PMS2: variants seen among roughly 807,000 people sequenced by gnomAD.
PMS2 encodes PMS1 homolog 2, mismatch repair system component, also known as mismatch repair endonuclease PMS2.
PMS2 carries 69 observed loss-of-function variants against 90.0 expected under a neutral mutation model. That is an observed-to-expected ratio of 0.77 (90% CI 0.63 to 0.94). PMS2 has a LOEUF of 0.94. Among genes scored for constraint, PMS2 ranks in the 40% least tolerant of loss-of-function variants. The probability of loss-of-function intolerance (pLI) is 0.00; values close to 1 mark genes in which losing one functional copy is unlikely to be tolerated. For missense variants in PMS2, 966 were observed against 1,040.2 expected, an observed-to-expected ratio of 0.93 and a Z score of 0.98; for synonymous variants, 332 against 375.1, an observed-to-expected ratio of 0.89 and a Z score of 1.33.
rs139194813 is a variant in PMS2 at position 5,992,025 on chromosome 7, C to T, written c.936G>A (p.Met312Ile). The T allele has an allele frequency of 6.8e-5, 109 of 1,601,844 alleles. No homozygotes were observed. In the African/African-American group the frequency reaches 1.3e-3, roughly 20 times the overall value. The part of the protein sequence containing the change: ...VCRLVNEVYH[M>I]YNRHQYPFVV... The stretch of plus-strand genomic sequence containing the variant: ...CAAATGGATACTGGTGTCGATTATA[C>T]ATGTGGTAGACCTCATTCACGAGTC... The change falls in exon 9 of 15, where the codon ATG becomes ATA. Residue 312 changes from methionine (M) to isoleucine (I), a missense_variant. Physicochemically the swap from Met to Ile is conservative, Grantham distance 10 (BLOSUM62 1). This residue lies in a region of PMS2 where 871 missense variants were observed against 802.4 expected (regional missense o/e 1.09). Transcript: ENST00000265849.
At chr7:6,001,036 A>G (rs1785031912) in intron 5 of PMS2, among the ~76,000 whole-genome samples, 1 of 152,118 alleles carries the variant, frequency 6.6e-6, no homozygotes, top group Non-Finnish European at 1.5e-5. Flanking sequence ...CTTTACAAGT[A>G]AAAAAAGTTT....
intron 10 of PMS2, among the ~76,000 whole-genome samples, chr7:5,989,120 G>A (rs146797531): frequency 2.0e-5 from 3 of 152,148 alleles, no homozygotes; most frequent in Non-Finnish European, 1.5e-5. Flanking sequence ...AAAGTACTGG[G>A]ATTACAAGCA....
rs372172981 is a variant in PMS2, at chr7:5,992,032, T to C, written c.929A>G (p.Tyr310Cys). 9 of 1,597,544 alleles carry C rather than the reference T, an allele frequency of 5.6e-6. No individual in the cohort carries two copies. Among genetic ancestry groups the C allele is most frequent in the Non-Finnish European group, 7.7e-6 (9 of 1,165,006 alleles). ...ATACTGGTGTCGATTATACATGTGG[T>C]AGACCTCATTCACGAGTCTGCAGAC... ...AKVCRLVNEV[Y>C]HMYNRHQYPF... The change falls in exon 9 of 15, where the codon TAC (tyrosine) becomes TGC (cysteine). Residue 310 changes from tyrosine to cysteine, a missense_variant. By Grantham distance (194) the Tyr-to-Cys change is radical. Around this residue, in one of 2 missense-constraint regions of PMS2, gnomAD observed 871 missense variants for 802.4 expected, o/e 1.09. Transcript: ENST00000265849.
Position 5,982,849 on chromosome 7 carries a change from C to T in PMS2, c.2149G>A (p.Val717Met), listed in dbSNP as rs201671325. Reference sequence around the variant, plus strand: ...GCTATGAGCCTCTGCCCCTGGAGCACGGTGTGCTGCTGCAGCATCTCGAAG... The same window carrying T: ...GCTATGAGCCTCTGCCCCTGGAGCATGGTGTGCTGCTGCAGCATCTCGAAG... Reference protein sequence around the residue: ...YNFEMLQQHTVLQGQRLIAPQ... With the variant: ...YNFEMLQQHTMLQGQRLIAPQ... Residue 717 changes from valine to methionine, a missense_variant, in exon 12 of 15, where the codon GTG becomes ATG. This residue lies in a region of PMS2 where 95 missense variants were observed against 237.8 expected (regional missense o/e 0.40). Coordinates refer to ENST00000265849, the MANE Select transcript of PMS2 (RefSeq NM_000535.7). 1,078 of 1,608,702 alleles carry T rather than the reference C, an allele frequency of 6.7e-4. 2 individuals are homozygous for T. Among genetic ancestry groups the T allele is most frequent in the Admixed American group, 1.1e-3 (66 of 59,680 alleles).
At position 6,006,016 on chromosome 7, in the gene PMS2, C is replaced by T. The variant is rs2128846889; in HGVS notation, c.39G>A (p.Lys13=). The T allele has an allele frequency of 6.2e-7, 1 of 1,610,692 alleles. No homozygotes were observed. The highest frequency in any genetic ancestry group is 8.5e-7 in the Non-Finnish European group (1 of 1,179,766). ...ACTTCCGATCAATAGGTTTGATGGC[C>T]TTAGCAGGTTCTGTACTAGAGAAAT... is the stretch of plus-strand genomic sequence containing the variant. ...RAESSSTEPA[K]AIKPIDRKSV... The change falls in exon 2 of 15, where the codon AAG becomes AAA. Residue 13 remains lysine (K), a synonymous_variant. Coordinates refer to ENST00000265849, the MANE Select transcript of PMS2 (RefSeq NM_000535.7).
At chr7:5,988,599 A>G (rs1395280722) in intron 10 of PMS2, among the ~76,000 whole-genome samples, 1 of 152,158 alleles carries the variant, frequency 6.6e-6, no homozygotes, top group East Asian at 1.9e-4. Flanking sequence ...TGCTCGTCAA[A>G]AAGACGTGGA....
chr7:6,002,174 T>C (rs1583400605), intron 5 of PMS2: 1 of 366,554 alleles, frequency 2.7e-6, no homozygotes, highest in East Asian at 6.6e-5. Flanking sequence ...GAACTACAGG[T>C]ACATGTCACC....
chr7:5,998,480 G>A (rs797007845), intron 6 of PMS2, among the ~76,000 whole-genome samples: 16 of 149,036 alleles, frequency 1.1e-4, no homozygotes, highest in African/African-American at 3.9e-4. Flanking sequence ...ATCACTAGAG[G>A]TCAGGAGTTC....
In PMS2 at chr7:6,005,942, G is replaced by A. The variant is rs148270248; in HGVS notation, c.113C>T (p.Ala38Val). Residue 38 changes from alanine (A) to valine (V), a missense_variant, in exon 2 of 15, where the codon GCG becomes GTG. By Grantham distance (64) the Ala-to-Val change is moderately conservative. This residue lies in a region of PMS2 where 871 missense variants were observed against 802.4 expected (regional missense o/e 1.09). Transcript: ENST00000265849. Reference protein sequence around the residue: ...SGQVVLSLSTAVKELVENSLD... With the variant: ...SGQVVLSLSTVVKELVENSLD... ...ACTGTTTTCTACTAACTCCTTTACC[G>A]CAGTGCTTAGACTCAGTACCACCTG... 1.7e-5 allele frequency: 28 copies of A among 1,610,778 alleles called. No individual in the cohort carries two copies. The highest frequency in any genetic ancestry group is 1.7e-4 in the Admixed American group (10 of 59,996).
At chr7:5,998,982 T>C (rs1378884562) in intron 6 of PMS2, 126 bp downstream of exon 6, 24 of 883,366 alleles carry the variant, frequency 2.7e-5, no homozygotes, top group Admixed American at 2.5e-4. Flanking sequence ...AGTGCGAGAC[T>C]CCCTCTCAAA....
At chr7:6,006,874 T>A (rs1785835604) in intron 1 of PMS2, among the ~76,000 whole-genome samples, 1 of 152,092 alleles carries the variant, frequency 6.6e-6, no homozygotes. Flanking sequence ...TTATAAAGGT[T>A]TTATCTCCCC....
rs763635464 is a variant in PMS2 at position 5,995,494 on chromosome 7, A to T, written c.903+40T>A. The T allele has an allele frequency of 2.4e-6, 3 of 1,254,392 alleles. No individual in the cohort carries two copies. The East Asian group carries it at 6.9e-5, about 29-fold the overall frequency. 77.7% of individuals were successfully genotyped at this position (1,254,392 alleles called of 1,614,324 possible). A position where few individuals can be genotyped will look rare whatever the true frequency, so the allele number is the denominator to read the frequency against. ...AAAAAAGTTATCAATTAAAAGTCAA[A>T]GGCATAAAGAACAAACTAACACAAA... On this transcript the variant is annotated intron_variant, in intron 8 of 14. Transcript: ENST00000265849.
At chr7:5,988,525 T>TG (rs1280665456) in intron 10 of PMS2, among the ~76,000 whole-genome samples, 18 of 152,244 alleles carry the variant, frequency 1.2e-4, no homozygotes, top group Non-Finnish European at 2.4e-4. Context: ...ATCACTCCAC[T>TG]GCACTCCAGC....
In PMS2 at chr7:6,002,633, A is replaced by G. The variant is rs1269688714; in HGVS notation, c.357T>C (p.Asp119=). The change falls in exon 5 of 15, where the codon GAT becomes GAC. Residue 119 remains aspartate, a synonymous_variant. Coordinates refer to ENST00000265849, the MANE Select transcript of PMS2 (RefSeq NM_000535.7). ...EALSSLCALS[D]VTISTCHASA... The stretch of plus-strand genomic sequence containing the variant: ...ATGCGTGGCAGGTAGAAATGGTGAC[A>G]TCGCTGTGAGAGAATACCAGGCATG... 6.2e-7 allele frequency: 1 copy of G among 1,610,768 alleles called. No individual in the cohort carries two copies. Among genetic ancestry groups the G allele is most frequent in the Non-Finnish European group, 8.5e-7 (1 of 1,178,810 alleles).
intron 5 of PMS2, chr7:6,002,105 C>G (rs183314005): frequency 6.9e-6 from 2 of 291,902 alleles, no homozygotes; most frequent in African/African-American, 4.5e-5. Flanking sequence ...TCATAGCTCA[C>G]TGCAGCCTCA....
intron 11 of PMS2, among the ~76,000 whole-genome samples, chr7:5,984,249 C>G (rs1373612769): frequency 6.6e-6 from 1 of 151,842 alleles, no homozygotes; most frequent in Non-Finnish European, 1.5e-5. Flanking sequence ...TCCTTCTCAT[C>G]TTTGCCAGGC....
intron 5 of PMS2, among the ~76,000 whole-genome samples, chr7:6,000,377 TAAAAAAA>T (rs67186373): frequency 3.2e-4 from 39 of 122,814 alleles, no homozygotes; most frequent in African/African-American, 1.1e-3. Context: ...CTGTCTCAAT[TAAAAAAA>T]AAAAAAAAAA....
At chr7:5,982,766 C>A (rs2128701584) in intron 12 of PMS2, 58 bp downstream of exon 12, 1 of 1,610,588 alleles carries the variant, frequency 6.2e-7, no homozygotes, top group South Asian at 1.1e-5. Flanking sequence ...CCTGCCTTGG[C>A]CTCTATTAGA....
intron 10 of PMS2, 81 bp from the exon 11 acceptor site, chr7:5,987,701 A>C (rs1161732486): frequency 3.2e-6 from 3 of 948,330 alleles, no homozygotes; most frequent in Non-Finnish European, 5.1e-6. Context: ...CAGATACTTC[A>C]CAAAAGAGGA....
Sources: gnomAD v4.1 joint callset for allele counts (sites outside exome capture counted in the v4.1 genomes callset) on GRCh38, gnomAD v4.1.1 for gene constraint, gnomAD v4.1.1 regional missense constraint, MANE v1.5 for transcripts, NCBI Gene and HGNC (gene_info 2026-07-23, HGNC 2026-07-21) for gene names.